LUZP2: variants seen among roughly 807,000 people sequenced by gnomAD.
LUZP2 encodes leucine zipper protein 2.
In LUZP2, 52 loss-of-function variants were observed where a neutral mutation model predicts 51.6. The observed-to-expected ratio is 1.01, with a 90% CI of 0.81 to 1.27. LUZP2 has a LOEUF of 1.27. Ranked by LOEUF, LUZP2 falls within the 50% of genes most tolerant of loss-of-function variation. LUZP2 has a pLI of 0.00. For synonymous variants in LUZP2, 154 were observed against 137.3 expected (o/e 1.12, Z -0.85); for missense variants, 436 against 395.4 (o/e 1.10, Z -0.87).
intron 5 of LUZP2, among the ~76,000 whole-genome samples, chr11:24,834,132 GT>G (rs1315866084): frequency 1.3e-5 from 2 of 151,896 alleles, no homozygotes; most frequent in Non-Finnish European, 2.9e-5. Flanking sequence ...GAATGTGCAG[GT>G]TTTTTACATA....
chr11:24,794,286 T>C (rs1443548869), intron 5 of LUZP2, among the ~76,000 whole-genome samples: 3 of 152,178 alleles, frequency 2.0e-5, no homozygotes, highest in African/African-American at 7.2e-5. Context: ...CTACATACTC[T>C]ACATACTTTG....
chr11:24,549,027 AT>A (rs1851644628), intron 1 of LUZP2, among the ~76,000 whole-genome samples: 1 of 151,992 alleles, frequency 6.6e-6, no homozygotes, highest in Non-Finnish European at 1.5e-5. Flanking sequence ...TTGTTCTTCA[AT>A]AAGAAATTAA....
chr11:25,031,649 T>G (rs184168519), intron 9 of LUZP2, among the ~76,000 whole-genome samples: 140 of 152,298 alleles, frequency 9.2e-4, no homozygotes, highest in African/African-American at 3.1e-3. Flanking sequence ...ATTTTCTAAT[T>G]TATTTGAGTT....
At chr11:24,967,418 T>G (rs190548008) in intron 7 of LUZP2, among the ~76,000 whole-genome samples, 2 of 151,984 alleles carry the variant, frequency 1.3e-5, no homozygotes, top group African/African-American at 4.8e-5. Flanking sequence ...AACACAAATG[T>G]TTTTAACATT....
intron 1 of LUZP2, among the ~76,000 whole-genome samples, chr11:24,584,874 G>T (rs1387891284): frequency 2.0e-5 from 3 of 152,284 alleles, no homozygotes; most frequent in Middle Eastern, 3.4e-3. Flanking sequence ...CACATTCAGA[G>T]TTCCAGATAG....
chr11:24,510,541 G>A (rs780021350), intron 1 of LUZP2, among the ~76,000 whole-genome samples: 4 of 152,096 alleles, frequency 2.6e-5, no homozygotes, highest in Non-Finnish European at 4.4e-5. Flanking sequence ...TATGTAACAG[G>A]TAGGAAATCC....
chr11:24,940,149 CA>C (rs1251310141), intron 7 of LUZP2, among the ~76,000 whole-genome samples: 1 of 152,002 alleles, frequency 6.6e-6, no homozygotes. Flanking sequence ...AGAGCCCCCA[CA>C]AAAAACACAC....
chr11:24,984,500 GT>G (rs1856129073), intron 9 of LUZP2, among the ~76,000 whole-genome samples: 1 of 92,764 alleles, frequency 1.1e-5, no homozygotes, highest in African/African-American at 3.7e-5. Context: ...TATTGTCTGT[GT>G]TTTTATATGT....
intron 5 of LUZP2, among the ~76,000 whole-genome samples, chr11:24,794,243 A>T (rs973987555): frequency 6.6e-6 from 1 of 152,182 alleles, no homozygotes; most frequent in Non-Finnish European, 1.5e-5. Context: ...TTCATTGCAC[A>T]ATGTAATACT....
At chr11:24,912,339 A>G (rs550645163) in intron 6 of LUZP2, among the ~76,000 whole-genome samples, 2 of 152,136 alleles carry the variant, frequency 1.3e-5, no homozygotes, top group African/African-American at 4.8e-5. Flanking sequence ...TATAATAGAA[A>G]TATCTGTGAA....
intron 9 of LUZP2, among the ~76,000 whole-genome samples, chr11:24,990,060 A>G (rs1024635594): frequency 6.6e-6 from 1 of 152,114 alleles, no homozygotes. Context: ...CCATCAATAT[A>G]TGGGGTCTAT....
At chr11:24,927,407 A>T (rs1221563043) in intron 7 of LUZP2, among the ~76,000 whole-genome samples, 1 of 151,938 alleles carries the variant, frequency 6.6e-6, no homozygotes, top group Non-Finnish European at 1.5e-5. Flanking sequence ...AGATTTAACT[A>T]TTTGATCCAT....
chr11:24,607,341 C>CTTTTTT (rs57741208), intron 1 of LUZP2, among the ~76,000 whole-genome samples: 1,455 of 63,402 alleles, frequency 0.023, 54 homozygotes, highest in East Asian at 0.049. Context: ...GATATTATGT[C>CTTTTTT]TTTTTTTTTT....
chr11:24,512,090 A>C (rs1020553910), intron 1 of LUZP2, among the ~76,000 whole-genome samples: 2 of 152,208 alleles, frequency 1.3e-5, no homozygotes, highest in African/African-American at 2.4e-5. Flanking sequence ...GGATGCCATG[A>C]TTATGATAAC....
intron 5 of LUZP2, among the ~76,000 whole-genome samples, chr11:24,812,548 A>C (rs1850052802): frequency 1.3e-5 from 2 of 152,206 alleles, no homozygotes; most frequent in South Asian, 4.1e-4. Context: ...TGCCCGTTAA[A>C]AATAGGGCTA....
chr11:24,687,452 A>G (rs1470566430), intron 1 of LUZP2, among the ~76,000 whole-genome samples: 1 of 152,164 alleles, frequency 6.6e-6, no homozygotes, highest in Non-Finnish European at 1.5e-5. Context: ...AATCCTTGTA[A>G]TAAACCTGTG....
chr11:24,819,307 A>G (rs1850286688), intron 5 of LUZP2, among the ~76,000 whole-genome samples: 1 of 152,042 alleles, frequency 6.6e-6, no homozygotes, highest in Non-Finnish European at 1.5e-5. Context: ...AGGGATTTTC[A>G]TTTGTGTTTT....
intron 5 of LUZP2, among the ~76,000 whole-genome samples, chr11:24,873,207 T>C (rs923841183): frequency 1.3e-5 from 2 of 152,196 alleles, no homozygotes; most frequent in Admixed American, 6.5e-5. Context: ...TCACAAGAAT[T>C]GAGCAAGTTG....
At chr11:24,691,750 G>A (rs1234742906) in intron 1 of LUZP2, among the ~76,000 whole-genome samples, 1 of 151,834 alleles carries the variant, frequency 6.6e-6, no homozygotes, top group African/African-American at 2.4e-5. Flanking sequence ...GTATAACTTT[G>A]GAAAAATATT....
Sources: gnomAD v4.1 joint callset for allele counts (sites outside exome capture counted in the v4.1 genomes callset) on GRCh38, gnomAD v4.1.1 for gene constraint, MANE v1.5 for transcripts, NCBI Gene and HGNC (gene_info 2026-07-23, HGNC 2026-07-21) for gene names.